Variants in PCDH7 observed in about 807,000 individuals in gnomAD.
PCDH7 encodes protocadherin 7.
Under a neutral mutation model 58.9 loss-of-function variants are expected in PCDH7, and 17 were observed. The observed-to-expected ratio is 0.29, with a 90% CI of 0.20 to 0.43. PCDH7 has a LOEUF of 0.43. Among genes scored for constraint, PCDH7 ranks in the 20% least tolerant of loss-of-function variants. The pLI is 1.00. For missense variants in PCDH7, 1,274 were observed against 1,441.0 expected (o/e 0.88, Z 1.88); for synonymous variants, 664 against 616.4 (o/e 1.08, Z -1.14).
intron 3 of PCDH7, among the ~76,000 whole-genome samples, chr4:31,039,281 C>T (rs917679619): frequency 4.6e-5 from 7 of 152,224 alleles, no homozygotes; most frequent in African/African-American, 1.7e-4. Flanking sequence ...AATATTAGAG[C>T]TGCTCTAAAG....
At chr4:31,101,030 T>G (rs1403585724) in intron 3 of PCDH7, among the ~76,000 whole-genome samples, 1 of 152,130 alleles carries the variant, frequency 6.6e-6, no homozygotes, top group Admixed American at 6.6e-5. Context: ...CACAAAAGAC[T>G]GCACAGGAGA....
chr4:30,769,441 TC>T (rs1721129903), intron 1 of PCDH7, among the ~76,000 whole-genome samples: 1 of 152,228 alleles, frequency 6.6e-6, no homozygotes, highest in Non-Finnish European at 1.5e-5. Flanking sequence ...CATATATTTA[TC>T]CGATAAGCCT....
chr4:30,735,280 G>A (rs1169777846), downstream of PCDH7, among the ~76,000 whole-genome samples: 4 of 151,998 alleles, frequency 2.6e-5, no homozygotes, highest in African/African-American at 7.3e-5. Context: ...TTATTCCTTC[G>A]TTGTGCTAAT....
At chr4:30,836,813 C>T (rs1021657417) in intron 1 of PCDH7, among the ~76,000 whole-genome samples, 14 of 152,106 alleles carry the variant, frequency 9.2e-5, no homozygotes, top group African/African-American at 3.4e-4. Context: ...GAAAATCCCA[C>T]CACGAATACA....
chr4:30,821,274 GTGT>G (rs61506108), intron 1 of PCDH7, among the ~76,000 whole-genome samples: 1,830 of 152,234 alleles, frequency 0.012, 43 homozygotes, highest in African/African-American at 0.042. Flanking sequence ...ATCACCTAAA[GTGT>G]TGTTCTCCAC....
At position 30,984,385 on chromosome 4, in the gene PCDH7, A is replaced by G. The variant is rs529701827; in HGVS notation, c.*7+34170A>G. On this transcript the variant is annotated intron_variant, in intron 3 of 3. Transcript: ENST00000509759. ...ATTGTGAGAACATATGGAAAGAGCAATGGATTAGGAAACCTATATTTGGTC... is the reference window on the plus strand; with the variant it reads ...ATTGTGAGAACATATGGAAAGAGCAGTGGATTAGGAAACCTATATTTGGTC... 1.2e-4 allele frequency among the ~76,000 whole-genome samples: 18 copies of G among 152,304 alleles called. No individual in the cohort carries two copies. In the South Asian group the frequency reaches 3.5e-3, roughly 30 times the overall value.
intron 1 of PCDH7, among the ~76,000 whole-genome samples, chr4:30,836,589 G>A (rs1730515426): frequency 6.6e-6 from 1 of 152,138 alleles, no homozygotes; most frequent in African/African-American, 2.4e-5. Flanking sequence ...AACATTTACT[G>A]TGGCTTATGA....
intron 3 of PCDH7, among the ~76,000 whole-genome samples, chr4:31,076,392 A>G (rs574297311): frequency 7.0e-4 from 107 of 152,324 alleles, no homozygotes; most frequent in South Asian, 4.1e-3. Context: ...TTAAAAATGC[A>G]TTTGTTTCAT....
At chr4:30,806,923 C>T (rs1189126797) in intron 1 of PCDH7, among the ~76,000 whole-genome samples, 1 of 151,978 alleles carries the variant, frequency 6.6e-6, no homozygotes, top group Non-Finnish European at 1.5e-5. Flanking sequence ...TTTCATCATC[C>T]AATTTCTTAA....
chr4:31,100,715 A>G (rs1273340523), intron 3 of PCDH7, among the ~76,000 whole-genome samples: 2 of 152,224 alleles, frequency 1.3e-5, no homozygotes, highest in Non-Finnish European at 1.5e-5. Flanking sequence ...GATTTTTTCC[A>G]TTCAAGTTCA....
chr4:30,901,820 C>A lies in PCDH7; in HGVS notation c.71-18333C>A, dbSNP rs577589032. On this transcript the variant is annotated intron_variant, in intron 1 of 3. Coordinates refer to the PCDH7 transcript ENST00000509759. Reference sequence around the variant, plus strand: ...TCTTGTATAGTTCAAGTTCTACCGACCTTTACTTTTAAATAAACTGGGCTA... The same window carrying A: ...TCTTGTATAGTTCAAGTTCTACCGAACTTTACTTTTAAATAAACTGGGCTA... 3.9e-5 allele frequency among the ~76,000 whole-genome samples: 6 copies of A among 152,172 alleles called. No individual in the cohort carries two copies. In the South Asian group the frequency reaches 1.2e-3, roughly 32 times the overall value.
At chr4:31,143,048 G>A (rs533652081), downstream of PCDH7, 581 of 272,410 alleles carry the variant, frequency 2.1e-3, 1 homozygote, top group Non-Finnish European at 3.1e-3. Context: ...AACCATCCTT[G>A]TTACTTGCAT....
At chr4:30,910,689 A>G (rs781743270) in intron 1 of PCDH7, among the ~76,000 whole-genome samples, 92 of 152,160 alleles carry the variant, frequency 6.0e-4, no homozygotes, top group Non-Finnish European at 1.1e-3. Flanking sequence ...GAGAAATGGG[A>G]ATGCTTTTAC....
In PCDH7 at chr4:30,722,627, T is replaced by C. The variant is rs1351144322; in HGVS notation, c.1205T>C (p.Val402Ala). 4 of 1,613,232 alleles carry C rather than the reference T, an allele frequency of 2.5e-6. No individual in the cohort carries two copies. The South Asian group carries it at 3.3e-5, about 13-fold the overall frequency. The change falls in exon 1 of 2, where the codon GTC becomes GCC. Residue 402 changes from valine (V) to alanine (A), a missense_variant. By Grantham distance (64) the Val-to-Ala change is moderately conservative (BLOSUM62 0). Coordinates refer to ENST00000361762, the Ensembl canonical transcript of PCDH7. This position sits in a 1 kb window ranked among gnomAD's most constrained non-coding sequence, Gnocchi z 7.6. ...CCCAAGACCGACAAGGCCACCGTGG[T>C]CCTTAACATCAAAGACGAGAACGAC...
intron 1 of PCDH7, among the ~76,000 whole-genome samples, chr4:30,847,304 A>G (rs1732106245): frequency 1.3e-5 from 2 of 152,166 alleles, no homozygotes; most frequent in African/African-American, 2.4e-5. Context: ...GTGAGAATCC[A>G]CTATGAGTAG....
chr4:31,053,838 A>T lies in PCDH7; in HGVS notation c.*8-88635A>T, dbSNP rs371410028. On this transcript the variant is annotated intron_variant, in intron 3 of 3. Transcript: ENST00000509759. ...ATTTTCCCATACCATTTAACAAAGT[A>T]TATAAAATAATATATAAAAATATGT... Among the ~76,000 whole-genome samples the T allele has an allele frequency of 2.1e-4, 32 of 152,128 alleles. No homozygotes were observed. The South Asian group carries it at 6.4e-3, about 31-fold the overall frequency.
chr4:30,933,997 T>C (rs879527832), intron 2 of PCDH7, among the ~76,000 whole-genome samples: 2 of 152,208 alleles, frequency 1.3e-5, no homozygotes, highest in Non-Finnish European at 2.9e-5. Flanking sequence ...CCATATTTTA[T>C]CAGTTTTTCC....
At chr4:30,783,690 G>C (rs1723064891) in intron 1 of PCDH7, among the ~76,000 whole-genome samples, 1 of 152,150 alleles carries the variant, frequency 6.6e-6, no homozygotes, top group Admixed American at 6.5e-5. Flanking sequence ...ACTGAGGTCT[G>C]AGTTCTTTTC....
chr4:30,759,712 A>G (rs1719779000), intron 1 of PCDH7, among the ~76,000 whole-genome samples: 1 of 152,174 alleles, frequency 6.6e-6, no homozygotes, highest in South Asian at 2.1e-4. Flanking sequence ...TACATATATA[A>G]CAAAATCTTT....
Sources: allele counts gnomAD v4.1 joint callset (sites outside exome capture counted in the v4.1 genomes callset), GRCh38; gene constraint gnomAD v4.1.1; non-coding constraint Gnocchi (gnomAD v3.1); transcripts MANE v1.5; gene names NCBI Gene and HGNC (gene_info 2026-07-23, HGNC 2026-07-21).